Variants in CALCRL observed in about 807,000 individuals in gnomAD.
CALCRL encodes the protein calcitonin gene-related peptide type 1 receptor.
A neutral mutation model predicts 60.4 loss-of-function variants in CALCRL; 27 were observed. That is an observed-to-expected ratio of 0.45 (90% CI 0.33 to 0.62). The LOEUF (loss-of-function observed/expected upper bound fraction) is 0.62. CALCRL is among the 20% of genes least tolerant of loss of function. The probability of loss-of-function intolerance (pLI) is 0.03; values close to 1 mark genes in which losing one functional copy is unlikely to be tolerated. For missense variants in CALCRL, 424 were observed against 540.7 expected (o/e 0.78, Z 2.14); for synonymous variants, 190 against 182.6 (o/e 1.04, Z -0.33).
intron 14 of CALCRL, among the ~76,000 whole-genome samples, chr2:187,350,916 TC>T (rs1230204756): frequency 6.6e-6 from 1 of 151,752 alleles, no homozygotes; most frequent in Non-Finnish European, 1.5e-5. Flanking sequence ...TTAAATTGTG[TC>T]GAGCAGATTA....
intron 9 of CALCRL, among the ~76,000 whole-genome samples, chr2:187,361,024 ATG>A (rs1161985580): frequency 6.6e-6 from 1 of 152,048 alleles, no homozygotes; most frequent in African/African-American, 2.4e-5. Flanking sequence ...TATTTTCTGA[ATG>A]TGTTTTTGTT....
At chr2:187,415,503 G>A in intron 1 of CALCRL, 1 of 339,162 alleles carries the variant, frequency 2.9e-6, no homozygotes, top group Non-Finnish European at 5.6e-6. Context: ...ATATTGAAAT[G>A]TTATATAAAC....
At chr2:187,380,260 A>C (rs1687930123) in intron 7 of CALCRL, among the ~76,000 whole-genome samples, 1 of 152,224 alleles carries the variant, frequency 6.6e-6, no homozygotes, top group South Asian at 2.1e-4. Context: ...ACTATTACCT[A>C]AAAGGATTGC....
Position 187,343,020 on chromosome 2 carries a change from CTTATT to C in CALCRL, c.*3159_*3163del, listed in dbSNP as rs962748256. ...AAGGAGATGAATTTCTGAACATTTT[CTTATT>C]TTGAGACATCCTTTTTCTTCTTTCA... On this transcript the variant is annotated 3_prime_UTR_variant, in exon 15 of 15. Coordinates refer to ENST00000392370, the MANE Select transcript of CALCRL (RefSeq NM_005795.6). 1 of 151,512 alleles carries C rather than the reference CTTATT, an allele frequency of 6.6e-6. No individual in the cohort carries two copies. Among genetic ancestry groups the C allele is most frequent in the African/African-American group, 2.4e-5 (1 of 41,482 alleles). The allele number at this position is 151,512 out of a possible 1,614,324, so 9.4% of individuals were successfully genotyped here.
intron 12 of CALCRL, among the ~76,000 whole-genome samples, chr2:187,355,717 T>G (rs941254057): frequency 2.6e-5 from 4 of 152,122 alleles, no homozygotes; most frequent in Admixed American, 1.3e-4. Context: ...AAATTGTCTG[T>G]TTGCAGATGA....
intron 8 of CALCRL, among the ~76,000 whole-genome samples, chr2:187,374,352 AT>A (rs1388846921): frequency 1.3e-5 from 2 of 152,192 alleles, no homozygotes; most frequent in African/African-American, 2.4e-5. Flanking sequence ...CAAATTCTTC[AT>A]TTTTAAAGAT....
chr2:187,382,394 AT>A (rs748910740), intron 5 of CALCRL, among the ~76,000 whole-genome samples: 6 of 152,212 alleles, frequency 3.9e-5, no homozygotes, highest in Non-Finnish European at 8.8e-5. Flanking sequence ...TTACAAAGAT[AT>A]TCCTATTGTT....
At chr2:187,406,283 C>A (rs562477860) in intron 1 of CALCRL, among the ~76,000 whole-genome samples, 2 of 151,182 alleles carry the variant, frequency 1.3e-5, no homozygotes, top group South Asian at 2.1e-4. Flanking sequence ...CAAATAATTT[C>A]TTGGCTGTAA....
intron 14 of CALCRL, among the ~76,000 whole-genome samples, chr2:187,348,665 T>G (rs1254628510): frequency 6.6e-6 from 1 of 151,694 alleles, no homozygotes; most frequent in Admixed American, 6.6e-5. Context: ...GAAAGCCAAT[T>G]TCATGAACTG....
At chr2:187,381,927 A>G (rs1283090548) in intron 5 of CALCRL, among the ~76,000 whole-genome samples, 1 of 152,140 alleles carries the variant, frequency 6.6e-6, no homozygotes, top group Admixed American at 6.5e-5. Flanking sequence ...AAACCAACAA[A>G]ATTTTAATGT....
intron 8 of CALCRL, among the ~76,000 whole-genome samples, chr2:187,369,959 T>C (rs1687452114): frequency 6.6e-6 from 1 of 152,176 alleles, no homozygotes; most frequent in African/African-American, 2.4e-5. Context: ...ACGTCCACCA[T>C]GGCTTTTTTT....
chr2:187,378,811 C>G, intron 8 of CALCRL, 129 bp downstream of exon 8: 4 of 553,622 alleles, frequency 7.2e-6, no homozygotes, highest in Non-Finnish European at 3.2e-6. Flanking sequence ...CAACTTATTT[C>G]AACTTATTTT....
chr2:187,441,527 A>G (rs1317975947), intron 1 of CALCRL, among the ~76,000 whole-genome samples: 1 of 151,982 alleles, frequency 6.6e-6, no homozygotes, highest in African/African-American at 2.4e-5. Flanking sequence ...GACACCTAGC[A>G]TAGGGCCAGG....
chr2:187,414,223 A>G (rs900119197), intron 1 of CALCRL, among the ~76,000 whole-genome samples: 1 of 152,114 alleles, frequency 6.6e-6, no homozygotes, highest in African/African-American at 2.4e-5. Flanking sequence ...TGTAGGCCGG[A>G]AGCTTCTGTC....
chr2:187,346,987 A>G (rs1437209061), intron 14 of CALCRL, among the ~76,000 whole-genome samples: 1 of 151,802 alleles, frequency 6.6e-6, no homozygotes, highest in African/African-American at 2.4e-5. Flanking sequence ...AGTGTTGAAC[A>G]AATAATTATA....
At chr2:187,390,838 G>A (rs1037012368) in intron 1 of CALCRL, among the ~76,000 whole-genome samples, 1 of 152,100 alleles carries the variant, frequency 6.6e-6, no homozygotes, top group African/African-American at 2.4e-5. Context: ...AGCAAGTTTA[G>A]GTTAGCAGCC....
intron 9 of CALCRL, among the ~76,000 whole-genome samples, chr2:187,362,024 C>T (rs1178972466): frequency 6.6e-6 from 1 of 151,848 alleles, no homozygotes; most frequent in African/African-American, 2.4e-5. Context: ...AACTTTTTAT[C>T]TAAAGAGTTT....
chr2:187,367,392 C>T (rs1433241135), intron 8 of CALCRL, among the ~76,000 whole-genome samples: 2 of 152,080 alleles, frequency 1.3e-5, no homozygotes, highest in Admixed American at 6.6e-5. Context: ...GCAACTTAAA[C>T]AAATGCAGAC....
At chr2:187,398,434 A>G (rs1244145548) in intron 1 of CALCRL, among the ~76,000 whole-genome samples, 1 of 151,656 alleles carries the variant, frequency 6.6e-6, no homozygotes. Flanking sequence ...TCATTCTCAA[A>G]ATAAAATTTA....
Sources: allele counts gnomAD v4.1 joint callset (sites outside exome capture counted in the v4.1 genomes callset), GRCh38; gene constraint gnomAD v4.1.1; transcripts MANE v1.5; gene names NCBI Gene and HGNC (gene_info 2026-07-23, HGNC 2026-07-21).